HS6ST3: variants seen among roughly 807,000 people sequenced by gnomAD.
HS6ST3 encodes the protein heparan sulfate 6-O-sulfotransferase 3, also known as heparan-sulfate 6-O-sulfotransferase 3.
In HS6ST3, 12 loss-of-function variants were observed where a neutral mutation model predicts 36.7. The ratio of observed to expected loss-of-function variants is 0.33; its 90% CI spans 0.21 to 0.53. The LOEUF is 0.53. Among genes scored for constraint, HS6ST3 ranks in the 20% least tolerant of loss-of-function variants. HS6ST3 has a pLI of 0.95. For missense variants in HS6ST3, 584 were observed against 640.9 expected, an observed-to-expected ratio of 0.91 and a Z score of 0.96; for synonymous variants, 240 against 257.5, an observed-to-expected ratio of 0.93 and a Z score of 0.65.
chr13:96,525,473 C>A (rs1477394903), intron 1 of HS6ST3, among the ~76,000 whole-genome samples: 1 of 152,106 alleles, frequency 6.6e-6, no homozygotes, highest in Non-Finnish European at 1.5e-5. Flanking sequence ...ACCTCTACAG[C>A]CGACAGGTTA....
intron 1 of HS6ST3, among the ~76,000 whole-genome samples, chr13:96,161,666 C>T (rs984308900): frequency 1.5e-4 from 23 of 152,284 alleles, no homozygotes; most frequent in African/African-American, 5.5e-4. Flanking sequence ...ATTCTGAAAT[C>T]TTCCCTTCCC....
intron 1 of HS6ST3, among the ~76,000 whole-genome samples, chr13:96,738,739 C>T (rs1480232910): frequency 6.6e-6 from 1 of 152,104 alleles, no homozygotes; most frequent in African/African-American, 2.4e-5. Context: ...TATTTAAACC[C>T]AGTTACATTT....
chr13:96,837,909 G>C lies in HS6ST3; in HGVS notation c.*4711G>C, dbSNP rs1878974157. 6.7e-6 allele frequency: 1 copy of C among 149,752 alleles called. No homozygotes were observed. Among genetic ancestry groups the C allele is most frequent in the Admixed American group, 6.7e-5 (1 of 15,032 alleles). 9.3% of individuals were successfully genotyped at this position (149,752 alleles called of 1,614,324 possible). A position where few individuals can be genotyped will look rare whatever the true frequency, so the allele number is the denominator to read the frequency against. ...TTCTTCCCCAGGCTCCTGGTACTTTGTCAGCAACATACTGCTTTCATTCTT... is the reference window on the plus strand; with the variant it reads ...TTCTTCCCCAGGCTCCTGGTACTTTCTCAGCAACATACTGCTTTCATTCTT... On this transcript the variant is annotated 3_prime_UTR_variant, in exon 2 of 2. Transcript: ENST00000376705.
At chr13:96,419,185 G>A (rs565304764) in intron 1 of HS6ST3, among the ~76,000 whole-genome samples, 1 of 152,346 alleles carries the variant, frequency 6.6e-6, no homozygotes, top group South Asian at 2.1e-4. Context: ...ACAATTTAGT[G>A]TGAATGCTTT....
At chr13:96,216,913 G>A (rs1217144585) in intron 1 of HS6ST3, among the ~76,000 whole-genome samples, 1 of 152,180 alleles carries the variant, frequency 6.6e-6, no homozygotes, top group Admixed American at 6.5e-5. Context: ...AGCACAGTCC[G>A]CTTTTCTGTC....
intron 1 of HS6ST3, among the ~76,000 whole-genome samples, chr13:96,315,028 A>G (rs2054961288): frequency 1.3e-5 from 2 of 152,224 alleles, no homozygotes; most frequent in South Asian, 4.1e-4. Context: ...AGATCTGCAG[A>G]TGAACAGACC....
intron 1 of HS6ST3, among the ~76,000 whole-genome samples, chr13:96,166,847 A>G (rs1178320887): frequency 2.0e-5 from 3 of 152,250 alleles, no homozygotes; most frequent in Non-Finnish European, 4.4e-5. Flanking sequence ...TAACTGAATC[A>G]TGGGGGTGGT....
chr13:96,140,648 G>C (rs115171481), intron 1 of HS6ST3, among the ~76,000 whole-genome samples: 54 of 152,278 alleles, frequency 3.5e-4, no homozygotes, highest in African/African-American at 1.2e-3. Context: ...TTTGCATAAA[G>C]ACCATTGTAA....
chr13:96,229,984 G>A (rs1040094089), intron 1 of HS6ST3, among the ~76,000 whole-genome samples: 4 of 152,160 alleles, frequency 2.6e-5, no homozygotes, highest in Non-Finnish European at 4.4e-5. Context: ...CAGTACATGC[G>A]GAGTTAGGAA....
chr13:96,417,691 C>A (rs1325236543), intron 1 of HS6ST3, among the ~76,000 whole-genome samples: 1 of 100,846 alleles, frequency 9.9e-6, no homozygotes, highest in Non-Finnish European at 2.0e-5. Flanking sequence ...TATACATATA[C>A]CTATATATTT....
chr13:96,384,410 CAAA>C (rs1205685380), intron 1 of HS6ST3, among the ~76,000 whole-genome samples: 2 of 152,078 alleles, frequency 1.3e-5, no homozygotes, highest in Non-Finnish European at 1.5e-5. Context: ...TTACTGAAAA[CAAA>C]AAGTTAGTGC....
intron 1 of HS6ST3, among the ~76,000 whole-genome samples, chr13:96,495,121 C>G (rs1298371023): frequency 6.6e-6 from 1 of 152,144 alleles, no homozygotes. Flanking sequence ...TTTCCAGAAT[C>G]ACTCTGAGGA....
chr13:96,608,372 G>T (rs1052449749), intron 1 of HS6ST3, among the ~76,000 whole-genome samples: 4 of 152,200 alleles, frequency 2.6e-5, no homozygotes, highest in African/African-American at 9.6e-5. Flanking sequence ...AGCACAAACA[G>T]CTGCTAAGAT....
chr13:96,330,837 G>A (rs977492560), intron 1 of HS6ST3, among the ~76,000 whole-genome samples: 1 of 150,376 alleles, frequency 6.6e-6, no homozygotes, highest in African/African-American at 2.5e-5. Context: ...ATGTAGATTT[G>A]GTCTTTTCAC....
chr13:96,531,900 A>G (rs2056137082), intron 1 of HS6ST3, among the ~76,000 whole-genome samples: 1 of 152,242 alleles, frequency 6.6e-6, no homozygotes, highest in African/African-American at 2.4e-5. Context: ...CTCTGATATC[A>G]GTTTTATCAC....
intron 1 of HS6ST3, among the ~76,000 whole-genome samples, chr13:96,187,810 C>T (rs2054271443): frequency 6.6e-6 from 1 of 152,218 alleles, no homozygotes; most frequent in Non-Finnish European, 1.5e-5. Flanking sequence ...ACTTCTTTAT[C>T]TGGCCAGCAG....
In HS6ST3 at chr13:96,649,264, A is replaced by G. The variant is rs570834757; in HGVS notation, c.708-183226A>G. 7.2e-5 allele frequency among the ~76,000 whole-genome samples: 11 copies of G among 152,134 alleles called. No individual in the cohort carries two copies. The South Asian group carries it at 1.0e-3, about 14-fold the overall frequency. On this transcript the variant is annotated intron_variant, in intron 1 of 1. Coordinates refer to ENST00000376705, the MANE Select transcript of HS6ST3 (RefSeq NM_153456.4). ...AAACCTACAATCATGGCAGAAGGGG[A>G]AGCAAACATGTTCTTCTTAACATGG...
intron 1 of HS6ST3, among the ~76,000 whole-genome samples, chr13:96,504,489 A>G (rs537663756): frequency 6.6e-6 from 1 of 152,312 alleles, no homozygotes; most frequent in South Asian, 2.1e-4. Context: ...GGATGTAGAC[A>G]GGAAAAGGAG....
intron 1 of HS6ST3, among the ~76,000 whole-genome samples, chr13:96,633,966 C>T (rs1022183786): frequency 6.6e-6 from 1 of 152,038 alleles, no homozygotes; most frequent in Non-Finnish European, 1.5e-5. Context: ...GTGATTAGGT[C>T]ATGAGGATGA....
Sources: allele counts gnomAD v4.1 joint callset (sites outside exome capture counted in the v4.1 genomes callset), GRCh38; gene constraint gnomAD v4.1.1; transcripts MANE v1.5; gene names NCBI Gene and HGNC (gene_info 2026-07-23, HGNC 2026-07-21).